The following LSAMP variants were observed in gnomAD, a reference collection of about 807,000 sequenced individuals.
LSAMP encodes limbic system associated membrane protein.
In LSAMP, 7 loss-of-function variants were observed where a neutral mutation model predicts 38.6. That is an observed-to-expected ratio of 0.18 (90% confidence interval 0.10 to 0.34). The LOEUF is 0.34. Among genes scored for constraint, LSAMP ranks in the 10% least tolerant of loss-of-function variants. The pLI is 1.00. For synonymous variants in LSAMP, 154 were observed against 166.8 expected (o/e 0.92, Z 0.59); for missense variants, 313 against 420.0 (o/e 0.75, Z 2.23).
chr3:116,129,247 C>A (rs1419332796), intron 1 of LSAMP, among the ~76,000 whole-genome samples: 1 of 152,132 alleles, frequency 6.6e-6, no homozygotes, highest in Non-Finnish European at 1.5e-5. Context: ...ACTGAACTTT[C>A]TATTGCGTAC....
intron 1 of LSAMP, among the ~76,000 whole-genome samples, chr3:116,316,618 G>T (rs981830636): frequency 1.3e-5 from 2 of 151,522 alleles, no homozygotes; most frequent in Non-Finnish European, 2.9e-5. Flanking sequence ...TAAAAATACA[G>T]AAATTAGCTG....
intron 1 of LSAMP, among the ~76,000 whole-genome samples, chr3:116,173,864 G>A (rs1272058522): frequency 1.3e-5 from 2 of 149,950 alleles, no homozygotes; most frequent in African/African-American, 2.5e-5. Flanking sequence ...TCCTTGTTCC[G>A]AAGATGCATT....
rs555937605 is a variant in LSAMP at position 116,163,987 on chromosome 3, A to G, written c.156-77431T>C. On this transcript the variant is annotated intron_variant, in intron 1 of 6. Coordinates refer to ENST00000490035, the MANE Select transcript of LSAMP (RefSeq NM_002338.5). The stretch of plus-strand genomic sequence containing the variant: ...TGAGGAGTCTCTGAGTTATCCAGAC[A>G]GATTCATAGCTGAGGTTAAAGTTTG... Among the ~76,000 whole-genome samples the G allele has an allele frequency of 9.1e-4, 137 of 150,596 alleles. 1 individual carries two copies. Among genetic ancestry groups the G allele is most frequent in the Admixed American group, 2.7e-3 (40 of 14,932 alleles).
At chr3:115,910,084 G>A (rs1414070086) in intron 3 of LSAMP, among the ~76,000 whole-genome samples, 1 of 152,020 alleles carries the variant, frequency 6.6e-6, no homozygotes, top group Non-Finnish European at 1.5e-5. Flanking sequence ...ATTTACCCAG[G>A]GAGAAAGGTA....
intron 2 of LSAMP, among the ~76,000 whole-genome samples, chr3:116,061,384 G>A (rs1462359095): frequency 6.6e-6 from 1 of 152,080 alleles, no homozygotes; most frequent in African/African-American, 2.4e-5. Flanking sequence ...TTAGGGGGCT[G>A]AGGGAATAGC....
chr3:116,056,806 G>A (rs1559725624), intron 2 of LSAMP, among the ~76,000 whole-genome samples: 1 of 152,090 alleles, frequency 6.6e-6, no homozygotes, highest in East Asian at 1.9e-4. Context: ...TCCTCATCAA[G>A]ACAGTGGGAT....
intron 2 of LSAMP, among the ~76,000 whole-genome samples, chr3:116,026,509 G>T (rs1940795954): frequency 6.6e-6 from 1 of 152,148 alleles, no homozygotes. Flanking sequence ...CTTCTGGTAA[G>T]ACATCCTGGT....
chr3:115,833,231 G>A (rs567918603), intron 6 of LSAMP, among the ~76,000 whole-genome samples: 72 of 152,104 alleles, frequency 4.7e-4, no homozygotes, highest in Non-Finnish European at 9.4e-4. Flanking sequence ...ATTGTGGTAT[G>A]TCAGGAATTC....
intron 3 of LSAMP, among the ~76,000 whole-genome samples, chr3:115,889,293 T>A (rs1936534811): frequency 1.3e-5 from 2 of 151,992 alleles, no homozygotes; most frequent in South Asian, 4.1e-4. Context: ...ATCTGTAATC[T>A]AAATGCGCTT....
chr3:116,388,842 C>G (rs2048657174), intron 1 of LSAMP, among the ~76,000 whole-genome samples: 1 of 152,100 alleles, frequency 6.6e-6, no homozygotes, highest in African/African-American at 2.4e-5. Context: ...GAAGGTAAAT[C>G]AAGGCTGACG....
chr3:116,161,293 A>G (rs1441198394), intron 1 of LSAMP, among the ~76,000 whole-genome samples: 2 of 152,348 alleles, frequency 1.3e-5, no homozygotes, highest in South Asian at 2.1e-4. Context: ...CATCCAATCC[A>G]TGAGTGAATA....
chr3:116,210,404 G>A (rs746231132), intron 1 of LSAMP, among the ~76,000 whole-genome samples: 12 of 152,174 alleles, frequency 7.9e-5, no homozygotes, highest in East Asian at 1.9e-4. Flanking sequence ...GGCTTGCTGC[G>A]TCTTCCGGCC....
chr3:116,063,085 C>A (rs568392016), intron 2 of LSAMP, among the ~76,000 whole-genome samples: 2 of 151,952 alleles, frequency 1.3e-5, no homozygotes, highest in Non-Finnish European at 2.9e-5. Context: ...TATGTACATA[C>A]ATATTGTGTG....
intron 3 of LSAMP, among the ~76,000 whole-genome samples, chr3:115,868,643 T>TACACATATTTAAAATGAGGTTG (rs1382503278): frequency 6.6e-6 from 1 of 152,112 alleles, no homozygotes; most frequent in Non-Finnish European, 1.5e-5. Flanking sequence ...TCATTTTAAA[T>TACACATATTTAAAATGAGGTTG]ACACATATTT....
intron 1 of LSAMP, among the ~76,000 whole-genome samples, chr3:116,184,048 A>G (rs1310282560): frequency 2.6e-5 from 4 of 151,820 alleles, no homozygotes; most frequent in African/African-American, 9.7e-5. Context: ...ACTTTAGTAC[A>G]GATACGAAAG....
At position 115,807,561 on chromosome 3, in the gene LSAMP, A is replaced by G. The variant is rs1933658262; in HGVS notation, c.*2756T>C. ...AATAAGAAAGCCAGGTATATAATTA[A>G]GGCCTGTGACATGCCATGGGGATCT... is the stretch of plus-strand genomic sequence containing the variant. On this transcript the variant is annotated 3_prime_UTR_variant, in exon 7 of 7. Coordinates refer to ENST00000490035, the MANE Select transcript of LSAMP (RefSeq NM_002338.5). The G allele has an allele frequency of 6.6e-6, 1 of 152,214 alleles. No homozygotes were observed. The highest frequency in any genetic ancestry group is 1.5e-5 in the Non-Finnish European group (1 of 68,044). 9.4% of individuals were successfully genotyped at this position (152,214 alleles called of 1,614,324 possible).
At chr3:116,185,004 C>T (rs1710576997) in intron 1 of LSAMP, among the ~76,000 whole-genome samples, 1 of 139,312 alleles carries the variant, frequency 7.2e-6, no homozygotes, top group African/African-American at 2.7e-5. Context: ...GGTTTAACTG[C>T]AGATTTTTTC....
Position 115,908,120 on chromosome 3 carries a change from T to A in LSAMP, c.515-55503A>T, listed in dbSNP as rs1576207565. Among the ~76,000 whole-genome samples the A allele has an allele frequency of 2.0e-5, 3 of 152,160 alleles. No homozygotes were observed. In the Middle Eastern group the frequency reaches 0.01, roughly 518 times the overall value. On this transcript the variant is annotated intron_variant, in intron 3 of 6. Transcript: ENST00000490035. ...ATATATCTTATAATATGTGTCACTT[T>A]GGGAGAGCAGAAGAAACTAATGCTA... is the stretch of plus-strand genomic sequence containing the variant.
At chr3:115,886,457 A>C (rs910759878) in intron 3 of LSAMP, among the ~76,000 whole-genome samples, 4 of 151,672 alleles carry the variant, frequency 2.6e-5, no homozygotes, top group Non-Finnish European at 5.9e-5. Context: ...AAATCAGAAC[A>C]ACAAAAGGTG....
Sources: gnomAD v4.1 joint callset for allele counts (sites outside exome capture counted in the v4.1 genomes callset) on GRCh38, gnomAD v4.1.1 for gene constraint, MANE v1.5 for transcripts, NCBI Gene and HGNC (gene_info 2026-07-23, HGNC 2026-07-21) for gene names.